KPNA4: variants seen among roughly 807,000 people sequenced by gnomAD.
The protein encoded by KPNA4 is karyopherin subunit alpha 4, also known as importin subunit alpha-3.
KPNA4 carries 13 observed loss-of-function variants against 71.3 expected under a neutral mutation model. The observed-to-expected ratio is 0.18, with a 90% CI of 0.12 to 0.29. The LOEUF (loss-of-function observed/expected upper bound fraction) is 0.29, where lower values mean the gene tolerates loss of function less well. KPNA4 is among the 10% of genes least tolerant of loss of function. The pLI, the probability that KPNA4 is intolerant of heterozygous loss-of-function variation, is 1.00. For missense variants in KPNA4, 334 were observed against 603.2 expected, an observed-to-expected ratio of 0.55 and a Z score of 4.67; for synonymous variants, 189 against 195.2, an observed-to-expected ratio of 0.97 and a Z score of 0.26.
Position 160,502,052 on chromosome 3 carries a change from A to G in KPNA4, c.*52T>C, listed in dbSNP as rs989985947. 4.8e-6 allele frequency: 3 copies of G among 628,176 alleles called. No homozygotes were observed. The highest frequency in any genetic ancestry group is 3.7e-5 in the African/African-American group (2 of 53,458). 38.9% of individuals were successfully genotyped at this position (628,176 alleles called of 1,614,324 possible). ...TATATATATATATACACACACACATATATATATATATATCTCAGTGCTGCA... is the reference window on the plus strand; with the variant it reads ...TATATATATATATACACACACACATGTATATATATATATCTCAGTGCTGCA... On this transcript the variant is annotated 3_prime_UTR_variant, in exon 17 of 17. Coordinates refer to ENST00000334256, the MANE Select transcript of KPNA4 (RefSeq NM_002268.5).
intron 1 of KPNA4, among the ~76,000 whole-genome samples, chr3:160,555,410 C>T (rs935977056): frequency 6.6e-6 from 1 of 152,168 alleles, no homozygotes; most frequent in South Asian, 2.1e-4. Context: ...CTTATCTGCA[C>T]AGGGTGTGTT....
At chr3:160,534,458 G>A (rs943315782) in intron 5 of KPNA4, among the ~76,000 whole-genome samples, 1 of 151,988 alleles carries the variant, frequency 6.6e-6, no homozygotes, top group Non-Finnish European at 1.5e-5. Context: ...GGTGGTTCAC[G>A]CCTGTAATCC....
chr3:160,534,036 C>T (rs1035174527), intron 5 of KPNA4, among the ~76,000 whole-genome samples: 1 of 152,202 alleles, frequency 6.6e-6, no homozygotes, highest in Non-Finnish European at 1.5e-5. Context: ...GAATTCCTCT[C>T]TAAGAAGTTC....
intron 14 of KPNA4, among the ~76,000 whole-genome samples, chr3:160,508,845 A>G (rs532948220): frequency 6.6e-6 from 1 of 152,260 alleles, no homozygotes; most frequent in African/African-American, 2.4e-5. Flanking sequence ...AAAAACTACA[A>G]TGGCTCAATG....
At chr3:160,515,874 A>C (rs1199912674) in intron 11 of KPNA4, among the ~76,000 whole-genome samples, 1 of 151,422 alleles carries the variant, frequency 6.6e-6, no homozygotes, top group African/African-American at 2.4e-5. Flanking sequence ...CTCAGCCTCC[A>C]AAAGTGCTGG....
At chr3:160,541,647 G>GCA (rs570443336) in intron 1 of KPNA4, among the ~76,000 whole-genome samples, 22,581 of 110,994 alleles carry the variant, frequency 0.2, 1,839 homozygotes, top group Non-Finnish European at 0.24. Context: ...AGTTATATAC[G>GCA]CGCACACACA....
At chr3:160,504,598 T>C (rs1387947823) in intron 16 of KPNA4, among the ~76,000 whole-genome samples, 1 of 152,194 alleles carries the variant, frequency 6.6e-6, no homozygotes, top group African/African-American at 2.4e-5. Flanking sequence ...GTGGATTAAC[T>C]ACTGTCATAA....
At position 160,564,919 on chromosome 3, in the gene KPNA4, G is replaced by A. The variant is rs575334772; in HGVS notation, c.69+295C>T. Among the ~76,000 whole-genome samples, 671 of 146,494 alleles carry A rather than the reference G, an allele frequency of 4.6e-3. 5 individuals carry two copies. Among genetic ancestry groups the A allele is most frequent in the Non-Finnish European group, 7.8e-3 (514 of 65,864 alleles). Reference sequence around the variant, plus strand: ...CGCACGCCTCCTCCGCACGCGCCGCGCCCGGCCTCCCCGCCGCGCGGCCCG... The same window carrying A: ...CGCACGCCTCCTCCGCACGCGCCGCACCCGGCCTCCCCGCCGCGCGGCCCG... On this transcript the variant is annotated intron_variant, in intron 1 of 16. Coordinates refer to ENST00000334256, the MANE Select transcript of KPNA4 (RefSeq NM_002268.5).
At chr3:160,534,404 G>C (rs1721638443) in intron 5 of KPNA4, among the ~76,000 whole-genome samples, 1 of 152,032 alleles carries the variant, frequency 6.6e-6, no homozygotes, top group Non-Finnish European at 1.5e-5. Flanking sequence ...TAAAATATGA[G>C]AGCATAGGTT....
chr3:160,551,951 G>A (rs1302632111), intron 1 of KPNA4, among the ~76,000 whole-genome samples: 1 of 136,872 alleles, frequency 7.3e-6, no homozygotes, highest in Admixed American at 7.2e-5. Flanking sequence ...GGGGGGGGGG[G>A]GTGATGTGCT....
chr3:160,564,146 T>C (rs1722294695), intron 1 of KPNA4: 1 of 152,152 alleles, frequency 6.6e-6, no homozygotes, highest in Admixed American at 6.5e-5. Flanking sequence ...TCTAAACTCT[T>C]AAAAGCTGAA....
chr3:160,526,401 T>C (rs1212286383), intron 8 of KPNA4, among the ~76,000 whole-genome samples: 3 of 152,242 alleles, frequency 2.0e-5, no homozygotes, highest in African/African-American at 7.2e-5. Context: ...CAAACTTTCA[T>C]GTGATAAAAA....
intron 11 of KPNA4, among the ~76,000 whole-genome samples, chr3:160,518,524 A>G (rs1327950492): frequency 1.3e-5 from 2 of 151,442 alleles, no homozygotes; most frequent in Non-Finnish European, 2.9e-5. Flanking sequence ...ATCTGTTGAA[A>G]AGGTTATTCT....
chr3:160,565,189 C>T, intron 1 of KPNA4, 25 bp downstream of exon 1: 1 of 1,588,298 alleles, frequency 6.3e-7, no homozygotes, highest in Non-Finnish European at 8.6e-7. Context: ...AGCCCCCACC[C>T]CTCCGGCGTC....
intron 14 of KPNA4, among the ~76,000 whole-genome samples, chr3:160,509,122 C>T (rs1433752840): frequency 1.3e-5 from 2 of 152,150 alleles, no homozygotes; most frequent in Admixed American, 6.5e-5. Context: ...CTCTTTAAAA[C>T]TGTTTTTCCT....
intron 10 of KPNA4, among the ~76,000 whole-genome samples, chr3:160,523,408 C>T (rs892432362): frequency 2.6e-5 from 4 of 151,886 alleles, no homozygotes; most frequent in Non-Finnish European, 4.4e-5. Flanking sequence ...GCTTAGGACA[C>T]CCAAGAGAAA....
chr3:160,525,491 C>G (rs932332685), intron 10 of KPNA4, among the ~76,000 whole-genome samples: 3 of 152,172 alleles, frequency 2.0e-5, no homozygotes, highest in African/African-American at 7.2e-5. Context: ...TATCTGGCAA[C>G]TTTAAAAACT....
intron 1 of KPNA4, among the ~76,000 whole-genome samples, chr3:160,547,536 A>T (rs1177483159): frequency 2.6e-5 from 4 of 152,000 alleles, no homozygotes; most frequent in Non-Finnish European, 4.4e-5. Context: ...TGTTACCAGA[A>T]TGGTACATTT....
chr3:160,499,781 T>C lies in KPNA4; in HGVS notation c.*2323A>G, dbSNP rs1033483317. ...AATATTTTTTACTAAAAAACACAAATTATGTAAAGCATTGCTGTGTTCACC... is the reference window on the plus strand; with the variant it reads ...AATATTTTTTACTAAAAAACACAAACTATGTAAAGCATTGCTGTGTTCACC... On this transcript the variant is annotated 3_prime_UTR_variant, in exon 17 of 17. Transcript: ENST00000334256. The C allele has an allele frequency of 3.9e-5, 6 of 152,148 alleles. No homozygotes were observed. Among genetic ancestry groups the C allele is most frequent in the Non-Finnish European group, 5.9e-5 (4 of 68,000 alleles). 9.4% of individuals were successfully genotyped at this position (152,148 alleles called of 1,614,324 possible).
Sources: gnomAD v4.1 joint callset for allele counts (sites outside exome capture counted in the v4.1 genomes callset) on GRCh38, gnomAD v4.1.1 for gene constraint, MANE v1.5 for transcripts, NCBI Gene and HGNC (gene_info 2026-07-23, HGNC 2026-07-21) for gene names.